RUNX2: variants seen among roughly 807,000 people sequenced by gnomAD.
The protein encoded by RUNX2 is runt-related transcription factor 2.
In RUNX2, 10 loss-of-function variants were observed where a neutral mutation model predicts 51.7. That is an observed-to-expected ratio of 0.19 (90% CI 0.12 to 0.33). RUNX2 has a LOEUF of 0.33. Ranked by LOEUF, RUNX2 falls within the 10% of genes least tolerant of loss-of-function variation. The probability of loss-of-function intolerance (pLI) is 1.00; values close to 1 mark genes in which losing one functional copy is unlikely to be tolerated. For synonymous variants in RUNX2, 276 were observed against 273.6 expected, an observed-to-expected ratio of 1.01 and a Z score of -0.09; for missense variants, 562 against 691.3, an observed-to-expected ratio of 0.81 and a Z score of 2.10.
chr6:45,389,375 C>T (rs1797422826), intron 2 of RUNX2, among the ~76,000 whole-genome samples: 1 of 152,206 alleles, frequency 6.6e-6, no homozygotes, highest in Admixed American at 6.5e-5. Context: ...AAACAGCCAA[C>T]AGATCACTGG....
At chr6:45,397,713 T>G (rs1455582509) in intron 2 of RUNX2, among the ~76,000 whole-genome samples, 1 of 152,228 alleles carries the variant, frequency 6.6e-6, no homozygotes, top group Non-Finnish European at 1.5e-5. Flanking sequence ...AATCTTTTGC[T>G]AGTCACGTAA....
chr6:45,381,969 T>C (rs1011148565), intron 2 of RUNX2, among the ~76,000 whole-genome samples: 11 of 152,214 alleles, frequency 7.2e-5, no homozygotes, highest in African/African-American at 2.7e-4. Flanking sequence ...GGACCTATCA[T>C]TGTAGATTTC....
chr6:45,392,283 T>C (rs1797487162), intron 2 of RUNX2, among the ~76,000 whole-genome samples: 1 of 152,108 alleles, frequency 6.6e-6, no homozygotes, highest in Non-Finnish European at 1.5e-5. Flanking sequence ...GGCAGGAGGA[T>C]TGCTTGAGGC....
chr6:45,529,570 G>A (rs1005886842), intron 7 of RUNX2, among the ~76,000 whole-genome samples: 7 of 151,942 alleles, frequency 4.6e-5, no homozygotes, highest in African/African-American at 1.2e-4. Context: ...TGAGGGAAAC[G>A]GGAAGAACAA....
intron 7 of RUNX2, among the ~76,000 whole-genome samples, chr6:45,531,482 C>T (rs1048227969): frequency 1.3e-5 from 2 of 151,990 alleles, no homozygotes; most frequent in Admixed American, 1.3e-4. Flanking sequence ...AGGCCAGGCA[C>T]GGTGGCTCAC....
intron 3 of RUNX2, among the ~76,000 whole-genome samples, chr6:45,427,989 C>T (rs940370622): frequency 3.3e-5 from 5 of 152,142 alleles, no homozygotes; most frequent in Non-Finnish European, 7.4e-5. Flanking sequence ...AATGTCAGGA[C>T]AGAAAATTAC....
At chr6:45,363,023 AT>A (rs1431964129) in intron 2 of RUNX2, among the ~76,000 whole-genome samples, 1 of 151,622 alleles carries the variant, frequency 6.6e-6, no homozygotes, top group Non-Finnish European at 1.5e-5. Flanking sequence ...TTTTATTTTT[AT>A]TTTTAATTTT....
intron 7 of RUNX2, among the ~76,000 whole-genome samples, chr6:45,517,388 C>A (rs1801364052): frequency 1.3e-5 from 2 of 152,108 alleles, no homozygotes; most frequent in Admixed American, 1.3e-4. Context: ...GTTGCCTGGG[C>A]TGGTCTCGAA....
intron 2 of RUNX2, among the ~76,000 whole-genome samples, chr6:45,366,519 G>A (rs187014038): frequency 4.6e-5 from 7 of 152,184 alleles, no homozygotes; most frequent in East Asian, 1.9e-4. Flanking sequence ...TCCCTCTTCC[G>A]TTAAAGGGGA....
intron 5 of RUNX2, among the ~76,000 whole-genome samples, chr6:45,464,590 C>T (rs1383463076): frequency 6.6e-6 from 1 of 152,188 alleles, no homozygotes; most frequent in African/African-American, 2.4e-5. Flanking sequence ...TTACTCTCTA[C>T]AGAGCTGGAA....
At chr6:45,511,128 G>C (rs1352138380) in intron 6 of RUNX2, among the ~76,000 whole-genome samples, 1 of 152,176 alleles carries the variant, frequency 6.6e-6, no homozygotes, top group Non-Finnish European at 1.5e-5. Context: ...CCTCAAGTAA[G>C]AGCAAAAGAG....
At chr6:45,490,119 A>G (rs1800417378) in intron 5 of RUNX2, among the ~76,000 whole-genome samples, 3 of 152,180 alleles carry the variant, frequency 2.0e-5, no homozygotes, top group African/African-American at 7.2e-5. Context: ...GAGGACCATA[A>G]GCTAGTTGTT....
chr6:45,484,230 G>A (rs1292578939), intron 5 of RUNX2, among the ~76,000 whole-genome samples: 2 of 152,148 alleles, frequency 1.3e-5, no homozygotes, highest in African/African-American at 2.4e-5. Flanking sequence ...AGAAACTGTA[G>A]AAATGGGCTG....
chr6:45,463,369 T>C (rs1184772474), intron 5 of RUNX2, among the ~76,000 whole-genome samples: 1 of 152,222 alleles, frequency 6.6e-6, no homozygotes, highest in Non-Finnish European at 1.5e-5. Context: ...ATTAAAGTAA[T>C]GTTATAAGGT....
intron 6 of RUNX2, among the ~76,000 whole-genome samples, chr6:45,498,233 T>C (rs1451434365): frequency 2.0e-5 from 3 of 152,196 alleles, no homozygotes; most frequent in Non-Finnish European, 2.9e-5. Flanking sequence ...ATTCAGTTCT[T>C]TACCATTTAC....
At chr6:45,386,124 A>G (rs1042123070) in intron 2 of RUNX2, among the ~76,000 whole-genome samples, 4 of 149,758 alleles carry the variant, frequency 2.7e-5, no homozygotes, top group Non-Finnish European at 5.9e-5. Context: ...CTGGAGTGCA[A>G]TGGAACAATC....
chr6:45,372,523 T>A (rs1796226098), intron 2 of RUNX2, among the ~76,000 whole-genome samples: 1 of 152,212 alleles, frequency 6.6e-6, no homozygotes, highest in Non-Finnish European at 1.5e-5. Context: ...CAAAAGTACA[T>A]TTCAAGATTT....
chr6:45,480,336 G>C (rs1800075497), intron 5 of RUNX2, among the ~76,000 whole-genome samples: 1 of 152,146 alleles, frequency 6.6e-6, no homozygotes. Context: ...ATTGTTGACT[G>C]CATTTTTCAG....
intron 2 of RUNX2, among the ~76,000 whole-genome samples, chr6:45,355,065 C>T (rs1014490959): frequency 6.6e-6 from 1 of 151,758 alleles, no homozygotes; most frequent in African/African-American, 2.4e-5. Context: ...GACTCAACCA[C>T]TTGGGCTTAA....
Sources: allele counts gnomAD v4.1 joint callset (sites outside exome capture counted in the v4.1 genomes callset), GRCh38; gene constraint gnomAD v4.1.1; transcripts MANE v1.5; gene names NCBI Gene and HGNC (gene_info 2026-07-23, HGNC 2026-07-21).